IDH2: variants seen among roughly 807,000 people sequenced by gnomAD.
IDH2 encodes isocitrate dehydrogenase (NADP(+)) 2, also known as isocitrate dehydrogenase [NADP], mitochondrial.
Under a neutral mutation model 50.5 loss-of-function variants are expected in IDH2, and 18 were observed. The observed-to-expected ratio is 0.36, with a 90% CI of 0.25 to 0.53. The LOEUF is 0.53. Ranked by LOEUF, IDH2 falls within the 20% of genes least tolerant of loss-of-function variation. The pLI, the probability that IDH2 is intolerant of heterozygous loss-of-function variation, is 0.92. For missense variants in IDH2, 518 were observed against 610.7 expected, an observed-to-expected ratio of 0.85 and a Z score of 1.60; for synonymous variants, 280 against 239.8, an observed-to-expected ratio of 1.17 and a Z score of -1.55.
Position 90,100,550 on chromosome 15 carries a change from C to A in IDH2, c.115+1726G>T, listed in dbSNP as rs143123578. 1.2e-6 allele frequency: 1 copy of A among 853,010 alleles called. No homozygotes were observed. The highest frequency in any genetic ancestry group is 1.8e-5 in the African/African-American group (1 of 54,770). The allele number at this position is 853,010 out of a possible 1,614,324, so 52.8% of individuals were successfully genotyped here. A position where few individuals can be genotyped will look rare whatever the true frequency, so the allele number is the denominator to read the frequency against. On this transcript the variant is annotated intron_variant, in intron 1 of 10. Transcript: ENST00000330062. The surrounding 1 kb of genome is among the most constrained non-coding windows in gnomAD (Gnocchi z 4.1). ...CCACTGAGCCGTTCACAGAACTGGT[C>A]CGCACTGCCCCAAGCTCTAACTTAC...
Position 90,084,353 on chromosome 15 carries a change from A to G in IDH2, c.1272T>C (p.Asn424=). 1.2e-6 allele frequency: 2 copies of G among 1,613,350 alleles called. No homozygotes were observed. Among genetic ancestry groups the G allele is most frequent in the Non-Finnish European group, 1.7e-6 (2 of 1,179,654 alleles). Residue 424 remains asparagine (N), a splice_region_variant and synonymous_variant, in exon 11 of 11, where the codon AAT becomes AAC. Transcript: ENST00000330062. This position sits in a 1 kb window ranked among gnomAD's most constrained non-coding sequence, Gnocchi z 5.0. ...TCAGGAAGTGCTCGTTCAGCTTCAC[A>G]CTGCAGAGAGAGCACCACTCACATC... ...DLAGCIHGLS[N]VKLNEHFLNT...
intron 1 of IDH2, among the ~76,000 whole-genome samples, chr15:90,094,883 C>A (rs1901139095): frequency 6.8e-6 from 1 of 147,282 alleles, no homozygotes; most frequent in Non-Finnish European, 1.5e-5. Flanking sequence ...GCCTGGGCAA[C>A]AGAACGAGAC....
chr15:90,097,233 G>A (rs1901205583), intron 1 of IDH2, among the ~76,000 whole-genome samples: 1 of 152,210 alleles, frequency 6.6e-6, no homozygotes, highest in African/African-American at 2.4e-5. Context: ...GATATTTTAA[G>A]AGATCACATT....
At chr15:90,094,122 C>CA (rs1323261974) in intron 1 of IDH2, among the ~76,000 whole-genome samples, 46 of 152,126 alleles carry the variant, frequency 3.0e-4, no homozygotes, top group Non-Finnish European at 1.2e-4. Context: ...AGAGAAGCAT[C>CA]AAAGGACTCA....
intron 3 of IDH2, among the ~76,000 whole-genome samples, chr15:90,089,287 T>TAACCAGCCTAAGTGTTGTCGTGA (rs1161963657): frequency 2.0e-5 from 3 of 151,990 alleles, no homozygotes; most frequent in Non-Finnish European, 4.4e-5. Flanking sequence ...ACTGGAAAAA[T>TAACCAGCCTAAGTGTTGTCGTGA]AACCAGCCTA....
intron 5 of IDH2, among the ~76,000 whole-genome samples, chr15:90,087,945 TC>T (rs1460780006): frequency 2.6e-5 from 4 of 151,752 alleles, no homozygotes; most frequent in African/African-American, 9.7e-5. Flanking sequence ...GAAGCCTTTC[TC>T]CCCAGGGCCT....
At chr15:90,091,806 T>TTAGA (rs1190701916) in intron 1 of IDH2, among the ~76,000 whole-genome samples, 162 bp from the exon 2 acceptor site, 1 of 152,188 alleles carries the variant, frequency 6.6e-6, no homozygotes, top group Non-Finnish European at 1.5e-5. Flanking sequence ...CCCTCACTGC[T>TTAGA]TAGAGCAGGG....
At chr15:90,087,356 T>G (rs1820825704) in intron 6 of IDH2, 83 bp downstream of exon 6, 1 of 1,612,516 alleles carries the variant, frequency 6.2e-7, no homozygotes, top group Admixed American at 1.7e-5. Context: ...AAATGCACTC[T>G]AATAGCGACC....
rs138266325 is a variant in IDH2 at position 90,100,133 on chromosome 15, T to C, written c.115+2143A>G. Among the ~76,000 whole-genome samples the C allele has an allele frequency of 2.8e-3, 430 of 152,262 alleles. 3 individuals carry two copies. Among genetic ancestry groups the C allele is most frequent in the African/African-American group, 0.01 (422 of 41,536 alleles). On this transcript the variant is annotated intron_variant, in intron 1 of 10. Transcript: ENST00000330062. This position sits in a 1 kb window ranked among gnomAD's most constrained non-coding sequence, Gnocchi z 4.1. Reference sequence around the variant, plus strand: ...CACGGGTGGCATCTCTCTCCAGCAATAGGCCCCATGCCCTGAAGAAGCTTA... The same window carrying C: ...CACGGGTGGCATCTCTCTCCAGCAACAGGCCCCATGCCCTGAAGAAGCTTA...
At chr15:90,099,703 C>T (rs1901280272) in intron 1 of IDH2, among the ~76,000 whole-genome samples, 1 of 152,134 alleles carries the variant, frequency 6.6e-6, no homozygotes, top group African/African-American at 2.4e-5. Context: ...AGCAATCCTC[C>T]CACCTCAGCC....
Position 90,083,669 on chromosome 15 carries a change from C to G in IDH2, c.*597G>C, listed in dbSNP as rs1900780154. On this transcript the variant is annotated 3_prime_UTR_variant, in exon 11 of 11. Coordinates refer to ENST00000330062, the MANE Select transcript of IDH2 (RefSeq NM_002168.4). ...CCTGGAGATGTTTAGAAGGTTAAAA[C>G]CAACGAAGAAAAAAATCAATGACAA... The G allele has an allele frequency of 6.1e-6, 1 of 163,748 alleles. No individual in the cohort carries two copies. The highest frequency in any genetic ancestry group is 1.9e-4 in the South Asian group (1 of 5,340). 10.1% of individuals were successfully genotyped at this position (163,748 alleles called of 1,614,324 possible).
rs1326514287 is a variant in IDH2, at chr15:90,100,027, G to A, written c.115+2249C>T. 2.0e-5 allele frequency among the ~76,000 whole-genome samples: 3 copies of A among 152,026 alleles called. No individual in the cohort carries two copies. Among genetic ancestry groups the A allele is most frequent in the African/African-American group, 4.8e-5 (2 of 41,360 alleles). On this transcript the variant is annotated intron_variant, in intron 1 of 10. Coordinates refer to ENST00000330062, the MANE Select transcript of IDH2 (RefSeq NM_002168.4). The surrounding 1 kb of genome is among the most constrained non-coding windows in gnomAD (Gnocchi z 4.1). ...CCTCACCTTCTGTTTCACTGAATGT[G>A]TTTCCTCCCCTCTCACCCATCTGGT...
At chr15:90,092,249 G>A (rs34120525) in intron 1 of IDH2, among the ~76,000 whole-genome samples, 56,057 of 152,030 alleles carry the variant, frequency 0.37, 11,283 homozygotes, top group Non-Finnish European at 0.47. Flanking sequence ...CCTGCCACCC[G>A]TGGAAAAATT....
Position 90,102,409 on chromosome 15 carries a change from C to A in IDH2, c.-19G>T. 7.7e-7 allele frequency: 1 copy of A among 1,297,348 alleles called. No individual in the cohort carries two copies. Among genetic ancestry groups the A allele is most frequent in the Non-Finnish European group, 1.0e-6 (1 of 1,003,320 alleles). 80.4% of individuals were successfully genotyped at this position (1,297,348 alleles called of 1,614,324 possible). A position where few individuals can be genotyped will look rare whatever the true frequency, so the allele number is the denominator to read the frequency against. ...CGGCCATCCCAAGCTGGAGAGCGAA[C>A]GAGCAGGGCGGGAGAGGTCCGAGCG... On this transcript the variant is annotated 5_prime_UTR_variant, in exon 1 of 11. Coordinates refer to ENST00000330062, the MANE Select transcript of IDH2 (RefSeq NM_002168.4).
intron 3 of IDH2, among the ~76,000 whole-genome samples, chr15:90,090,127 T>G (rs143007682): frequency 1.7e-4 from 26 of 152,252 alleles, no homozygotes; most frequent in African/African-American, 5.8e-4. Context: ...CGATGACACC[T>G]ACCACTGTCA....
Position 90,087,097 on chromosome 15 carries a change from G to A in IDH2, c.967+15C>T, listed in dbSNP as rs773589925. ...ACAGTCCACCCCCACAGGGAGCAGC[G>A]TCCTCCCAGCGTACCCTGGGCCAGG... On this transcript the variant is annotated intron_variant, in intron 7 of 10. Coordinates refer to ENST00000330062, the MANE Select transcript of IDH2 (RefSeq NM_002168.4). The A allele has an allele frequency of 5.0e-6, 8 of 1,612,728 alleles. No individual in the cohort carries two copies. The highest frequency in any genetic ancestry group is 1.7e-5 in the Admixed American group (1 of 59,974).
chr15:90,095,882 G>T (rs1567258643), intron 1 of IDH2, among the ~76,000 whole-genome samples: 1 of 152,172 alleles, frequency 6.6e-6, no homozygotes, highest in East Asian at 1.9e-4. Context: ...CATGAGCCAA[G>T]GCCAGCAGAG....
rs367968358 is a variant in IDH2 at position 90,088,842 on chromosome 15, A to G, written c.374-95T>C. The G allele has an allele frequency of 2.2e-6, 3 of 1,361,102 alleles. No homozygotes were observed. In the African/African-American group the frequency reaches 4.3e-5, roughly 19 times the overall value. The allele number at this position is 1,361,102 out of a possible 1,614,324, so 84.3% of individuals were successfully genotyped here. ...AACAACACAGCCAGACGGGGGTCCT[A>G]AAATTCTTCATGAGGAAGGCAGTAG... is the stretch of plus-strand genomic sequence containing the variant. On this transcript the variant is annotated intron_variant, in intron 3 of 10. Coordinates refer to ENST00000330062, the MANE Select transcript of IDH2 (RefSeq NM_002168.4).
chr15:90,099,999 T>C (rs1901287261), intron 1 of IDH2, among the ~76,000 whole-genome samples: 4 of 152,104 alleles, frequency 2.6e-5, no homozygotes, highest in Non-Finnish European at 5.9e-5. Flanking sequence ...AGGGCTGCCC[T>C]GCCCTCACCT....
Sources: allele counts gnomAD v4.1 joint callset (sites outside exome capture counted in the v4.1 genomes callset), GRCh38; gene constraint gnomAD v4.1.1; non-coding constraint Gnocchi (gnomAD v3.1); transcripts MANE v1.5; gene names NCBI Gene and HGNC (gene_info 2026-07-23, HGNC 2026-07-21).